ZFYVE21: variants seen among roughly 807,000 people sequenced by gnomAD.
ZFYVE21 encodes zinc finger FYVE domain-containing protein 21.
A neutral mutation model predicts 29.5 loss-of-function variants in ZFYVE21; 21 were observed. The observed-to-expected ratio is 0.71, with a 90% CI of 0.50 to 1.02. The LOEUF (loss-of-function observed/expected upper bound fraction) is 1.02, where lower values mean the gene tolerates loss of function less well. Ranked by LOEUF, ZFYVE21 falls within the 50% of genes least tolerant of loss-of-function variation. ZFYVE21 has a pLI of 0.00. For synonymous variants in ZFYVE21, 151 were observed against 133.8 expected, an observed-to-expected ratio of 1.13 and a Z score of -0.89; for missense variants, 326 against 335.4, an observed-to-expected ratio of 0.97 and a Z score of 0.22.
At chr14:103,729,378 A>G (rs1464367357) in intron 5 of ZFYVE21, 196 bp downstream of exon 5, 2 of 599,488 alleles carry the variant, frequency 3.3e-6, no homozygotes, top group Non-Finnish European at 2.9e-6. Context: ...GTGAGTGGAG[A>G]CTTAAACTGT....
intron 2 of ZFYVE21, 128 bp from the exon 3 acceptor site, chr14:103,727,610 GGTGCGCGT>G (rs1458766607): frequency 8.8e-7 from 1 of 1,133,070 alleles, no homozygotes; most frequent in Non-Finnish European, 1.3e-6. Context: ...GGCGACAGGA[GGTGCGCGT>G]GTGCAGCGGC....
intron 6 of ZFYVE21, 23 bp from the exon 7 acceptor site, chr14:103,732,960 T>C: frequency 1.2e-6 from 2 of 1,614,140 alleles, no homozygotes; most frequent in East Asian, 2.2e-5. Context: ...GGCCTCACTG[T>C]GTTGATCTTG....
chr14:103,719,729 A>T (rs1334341453), intron 1 of ZFYVE21, among the ~76,000 whole-genome samples: 1 of 152,064 alleles, frequency 6.6e-6, no homozygotes, highest in Admixed American at 6.6e-5. Flanking sequence ...AGGGGCTGCC[A>T]GAGCCTCCAC....
chr14:103,724,500 C>T (rs1272547103), intron 1 of ZFYVE21: 1 of 152,294 alleles, frequency 6.6e-6, no homozygotes, highest in African/African-American at 2.4e-5. Flanking sequence ...TTCGAGACTT[C>T]AGGCCCTCAG....
intron 1 of ZFYVE21, chr14:103,725,842 G>A (rs755867616): frequency 5.9e-5 from 9 of 152,254 alleles, no homozygotes; most frequent in Admixed American, 2.0e-4. Flanking sequence ...CTGAGGTGCC[G>A]GGACAGTACC....
rs780833760 is a variant in ZFYVE21, at chr14:103,728,988, G to A, written c.434+5G>A. ...TCGTCTTTCCAATAACCAGAGGTAA[G>A]AGCCGGATCCTGCTTGGCACGGGGC... On this transcript the variant is annotated splice_donor_5th_base_variant and intron_variant, in intron 4 of 6. Coordinates refer to ENST00000311141, the MANE Select transcript of ZFYVE21 (RefSeq NM_024071.4). 3 of 1,614,022 alleles carry A rather than the reference G, an allele frequency of 1.9e-6. 1 individual carries two copies. The highest frequency in any genetic ancestry group is 1.1e-5 in the South Asian group (1 of 91,072).
chr14:103,722,898 C>T (rs2083885701), intron 1 of ZFYVE21, among the ~76,000 whole-genome samples: 1 of 152,112 alleles, frequency 6.6e-6, no homozygotes, highest in Admixed American at 6.5e-5. Flanking sequence ...GATCCTCCTG[C>T]CTCAGCCTCC....
At position 103,728,859 on chromosome 14, in the gene ZFYVE21, G is replaced by A. The variant is rs372264722; in HGVS notation, c.359-49G>A. The A allele has an allele frequency of 3.4e-5, 54 of 1,591,938 alleles. 1 individual carries two copies. The Middle Eastern group carries it at 3.8e-3, about 113-fold the overall frequency. ...TACTGGTACTCGTGGGAAGGGTTAG[G>A]TGGAAAAGAAGCAGGCCCTGTTCTC... On this transcript the variant is annotated intron_variant, in intron 3 of 6. Transcript: ENST00000311141.
intron 1 of ZFYVE21, among the ~76,000 whole-genome samples, chr14:103,720,848 G>C (rs147143919): frequency 1.3e-5 from 2 of 152,138 alleles, no homozygotes; most frequent in Non-Finnish European, 2.9e-5. Context: ...TGTTTGAGAC[G>C]GAGTCTCACT....
intron 1 of ZFYVE21, chr14:103,724,953 G>A (rs1023229167): frequency 2.0e-5 from 3 of 152,322 alleles, no homozygotes; most frequent in African/African-American, 7.2e-5. Flanking sequence ...CTGCTGGGGA[G>A]CGGGTGGGCA....
intron 5 of ZFYVE21, chr14:103,729,867 C>T (rs961201670): frequency 2.7e-5 from 41 of 1,535,896 alleles, no homozygotes; most frequent in African/African-American, 2.2e-4. Context: ...TCCTCCTCAC[C>T]GGGGCTCCCC....
At position 103,715,884 on chromosome 14, in the gene ZFYVE21, G is replaced by A; in HGVS notation, c.43G>A (p.Val15Met). ...VSARRDAKKL[V>M]RSPSGLRMVP... ...CGCGCGCCGCGACGCCAAGAAGCTG[G>A]TGCGCTCCCCGAGCGGCCTGCGCAT... The change falls in exon 1 of 7, where the codon GTG (valine) becomes ATG (methionine). Residue 15 changes from valine (V) to methionine (M), a missense_variant. Coordinates refer to ENST00000311141, the MANE Select transcript of ZFYVE21 (RefSeq NM_024071.4). 1 of 1,436,758 alleles carries A rather than the reference G, an allele frequency of 7.0e-7. No individual in the cohort carries two copies. The allele number at this position is 1,436,758 out of a possible 1,614,324, so 89.0% of individuals were successfully genotyped here.
chr14:103,723,915 G>A (rs2083897160), intron 1 of ZFYVE21, among the ~76,000 whole-genome samples: 1 of 152,262 alleles, frequency 6.6e-6, no homozygotes, highest in Admixed American at 6.5e-5. Flanking sequence ...CAGGGTGGCA[G>A]GGACACGCTG....
At chr14:103,727,151 G>A (rs1193132723) in intron 2 of ZFYVE21, 1 of 362,662 alleles carries the variant, frequency 2.8e-6, no homozygotes, top group Non-Finnish European at 5.2e-6. Context: ...TCACCATGTT[G>A]GCCAGGCTGG....
rs1176178543 is a variant in ZFYVE21 at position 103,733,052 on chromosome 14, T to C, written c.*34T>C. The stretch of plus-strand genomic sequence containing the variant: ...GGGGCTGAGCTTGGAGTACGTGTGG[T>C]CACCAGGACTGAGTCGCTTGGAACA... On this transcript the variant is annotated 3_prime_UTR_variant, in exon 7 of 7. Coordinates refer to ENST00000311141, the MANE Select transcript of ZFYVE21 (RefSeq NM_024071.4). The C allele has an allele frequency of 6.2e-7, 1 of 1,614,024 alleles. No homozygotes were observed. The highest frequency in any genetic ancestry group is 1.1e-5 in the South Asian group (1 of 91,078).
chr14:103,723,998 CT>C (rs2083897861), intron 1 of ZFYVE21, among the ~76,000 whole-genome samples: 1 of 152,200 alleles, frequency 6.6e-6, no homozygotes, highest in Non-Finnish European at 1.5e-5. Flanking sequence ...ACACCAGCGT[CT>C]TCTGGGGCTC....
chr14:103,726,904 G>A (rs2083930454), intron 2 of ZFYVE21, 62 bp downstream of exon 2: 5 of 1,566,186 alleles, frequency 3.2e-6, no homozygotes, highest in Non-Finnish European at 8.8e-7. Flanking sequence ...CAGGACAGCT[G>A]CCGCTGCCCC....
intron 1 of ZFYVE21, among the ~76,000 whole-genome samples, chr14:103,721,249 A>G (rs533111125): frequency 1.3e-4 from 20 of 152,254 alleles, no homozygotes; most frequent in Admixed American, 9.2e-4. Context: ...GTTGTGGTTT[A>G]CTGGACTAGC....
chr14:103,724,124 C>T (rs118164530), intron 1 of ZFYVE21, among the ~76,000 whole-genome samples: 1,859 of 152,314 alleles, frequency 0.012, 18 homozygotes, highest in Non-Finnish European at 0.02. Flanking sequence ...GCCCCCAGAC[C>T]ACAGGGAGGC....
Sources: allele counts gnomAD v4.1 joint callset (sites outside exome capture counted in the v4.1 genomes callset), GRCh38; gene constraint gnomAD v4.1.1; transcripts MANE v1.5; gene names NCBI Gene and HGNC (gene_info 2026-07-23, HGNC 2026-07-21).